GRIA1: variants seen among roughly 807,000 people sequenced by gnomAD.
The protein encoded by GRIA1 is glutamate receptor 1.
Under a neutral mutation model 99.2 loss-of-function variants are expected in GRIA1, and 31 were observed. The observed-to-expected ratio is 0.31, with a 90% confidence interval of 0.23 to 0.42. The LOEUF is 0.42. Ranked by LOEUF, GRIA1 falls within the 10% of genes least tolerant of loss-of-function variation. GRIA1 has a pLI of 1.00. For synonymous variants in GRIA1, 438 were observed against 432.4 expected, an observed-to-expected ratio of 1.01 and a Z score of -0.16; for missense variants, 782 against 1,157.5, an observed-to-expected ratio of 0.68 and a Z score of 4.71.
intron 6 of GRIA1, among the ~76,000 whole-genome samples, chr5:153,675,741 G>T (rs142202064): frequency 6.6e-6 from 1 of 152,094 alleles, no homozygotes; most frequent in African/African-American, 2.4e-5. Context: ...AAACAAAATC[G>T]CAAATATGCT....
intron 15 of GRIA1, among the ~76,000 whole-genome samples, chr5:153,807,951 T>C (rs537569118): frequency 5.1e-4 from 77 of 152,318 alleles, no homozygotes; most frequent in Admixed American, 8.5e-4. Context: ...CTACAGCAAT[T>C]GAGGGCTTGC....
intron 2 of GRIA1, among the ~76,000 whole-genome samples, chr5:153,630,527 AC>A (rs1156350754): frequency 1.3e-5 from 2 of 152,088 alleles, no homozygotes; most frequent in African/African-American, 4.8e-5. Flanking sequence ...AGAAGAGGCC[AC>A]CCCAAAACAA....
chr5:153,786,672 G>A (rs368699354), intron 13 of GRIA1, among the ~76,000 whole-genome samples: 63 of 152,194 alleles, frequency 4.1e-4, no homozygotes, highest in Non-Finnish European at 7.9e-4. Context: ...TCAAATAGTA[G>A]TAGACAATGC....
intron 5 of GRIA1, among the ~76,000 whole-genome samples, chr5:153,667,437 C>T (rs754575088): frequency 1.3e-5 from 2 of 152,214 alleles, no homozygotes; most frequent in Non-Finnish European, 2.9e-5. Context: ...GCTTCATGTT[C>T]TCTCAGGCTT....
chr5:153,681,717 A>G (rs1464527412), intron 7 of GRIA1, among the ~76,000 whole-genome samples: 1 of 152,140 alleles, frequency 6.6e-6, no homozygotes, highest in African/African-American at 2.4e-5. Context: ...CTGGCTTGTC[A>G]CAGGGCTCAG....
intron 2 of GRIA1, among the ~76,000 whole-genome samples, chr5:153,504,174 T>C (rs952445924): frequency 6.6e-6 from 1 of 151,960 alleles, no homozygotes; most frequent in Non-Finnish European, 1.5e-5. Context: ...TTTTAGAGCT[T>C]GGGGTAGTGA....
At chr5:153,605,934 A>G (rs1372432339) in intron 2 of GRIA1, among the ~76,000 whole-genome samples, 1 of 152,152 alleles carries the variant, frequency 6.6e-6, no homozygotes, top group Admixed American at 6.5e-5. Context: ...GCTGTGCAGG[A>G]CAGAAACTGT....
At chr5:153,758,508 G>T (rs1252347030) in intron 11 of GRIA1, among the ~76,000 whole-genome samples, 2 of 151,848 alleles carry the variant, frequency 1.3e-5, no homozygotes, top group Non-Finnish European at 2.9e-5. Flanking sequence ...TACAGCAAGA[G>T]AATATAATAA....
intron 2 of GRIA1, among the ~76,000 whole-genome samples, chr5:153,593,076 G>A (rs988911144): frequency 1.3e-5 from 2 of 152,086 alleles, no homozygotes; most frequent in African/African-American, 4.8e-5. Flanking sequence ...GACCAACCTG[G>A]CCAAGATGGC....
At chr5:153,704,829 A>G (rs943615614) in intron 10 of GRIA1, among the ~76,000 whole-genome samples, 5 of 152,160 alleles carry the variant, frequency 3.3e-5, no homozygotes, top group Non-Finnish European at 7.3e-5. Context: ...TATCTTGGAT[A>G]ACACATACCC....
At chr5:153,515,200 A>C (rs368963624) in intron 2 of GRIA1, among the ~76,000 whole-genome samples, 2 of 152,226 alleles carry the variant, frequency 1.3e-5, no homozygotes, top group South Asian at 2.1e-4. Context: ...CATTATTTAC[A>C]ATAGTTAAGA....
At chr5:153,800,086 G>C (rs1046154801) in intron 14 of GRIA1, among the ~76,000 whole-genome samples, 1 of 152,138 alleles carries the variant, frequency 6.6e-6, no homozygotes, top group Non-Finnish European at 1.5e-5. Context: ...GTGACCAAAG[G>C]GGCAAGGTGT....
chr5:153,556,333 G>A (rs1289705654), intron 2 of GRIA1, among the ~76,000 whole-genome samples: 1 of 152,108 alleles, frequency 6.6e-6, no homozygotes, highest in African/African-American at 2.4e-5. Context: ...GCCTCAAAAG[G>A]TCGCTCTTCC....
In GRIA1 at chr5:153,615,778, G is replaced by A. The variant is rs535711232; in HGVS notation, c.221-31150G>A. On this transcript the variant is annotated intron_variant, in intron 2 of 15. Coordinates refer to ENST00000285900, the MANE Select transcript of GRIA1 (RefSeq NM_000827.4). Reference sequence around the variant, plus strand: ...TACTCGTAACAACTTTAAGATGATGGTACCCTTCCTCATCCCCATCTCTAG... The same window carrying A: ...TACTCGTAACAACTTTAAGATGATGATACCCTTCCTCATCCCCATCTCTAG... 2.0e-5 allele frequency among the ~76,000 whole-genome samples: 3 copies of A among 152,230 alleles called. No individual in the cohort carries two copies. In the South Asian group the frequency reaches 6.2e-4, roughly 32 times the overall value.
chr5:153,755,054 G>A lies in GRIA1; in HGVS notation c.1824-9380G>A, dbSNP rs112635142. Among the ~76,000 whole-genome samples, 911 of 152,234 alleles carry A rather than the reference G, an allele frequency of 6.0e-3. 10 individuals are homozygous for A. Among genetic ancestry groups the A allele is most frequent in the African/African-American group, 0.021 (870 of 41,506 alleles). ...GAAAGAGAAGCATGTGATAAGGATG[G>A]GAGTCTTTTGAATATGAGGGGCCAA... On this transcript the variant is annotated intron_variant, in intron 11 of 15. Coordinates refer to ENST00000285900, the MANE Select transcript of GRIA1 (RefSeq NM_000827.4).
intron 2 of GRIA1, among the ~76,000 whole-genome samples, chr5:153,507,030 C>T (rs138907489): frequency 0.011 from 1,618 of 151,992 alleles, 29 homozygotes; most frequent in African/African-American, 0.037. Context: ...GGCTGAGGCA[C>T]GAGAATTACT....
intron 11 of GRIA1, among the ~76,000 whole-genome samples, chr5:153,733,699 G>A (rs149673320): frequency 1.8e-3 from 270 of 152,144 alleles, no homozygotes; most frequent in Middle Eastern, 0.014. Flanking sequence ...CCAAAAGAGA[G>A]CAGAGGTCAC....
intron 2 of GRIA1, among the ~76,000 whole-genome samples, chr5:153,518,167 T>C (rs1352863345): frequency 2.0e-5 from 3 of 152,224 alleles, no homozygotes; most frequent in Admixed American, 2.0e-4. Flanking sequence ...AATTTCTAAT[T>C]GCCCTCTCTT....
At position 153,726,547 on chromosome 5, in the gene GRIA1, A is replaced by G. The variant is rs376200649; in HGVS notation, c.1823+20480A>G. ...GAATCAAATAGATGCAATAAAAAAT[A>G]ATAAAGGGGATATCACCACCAATCC... On this transcript the variant is annotated intron_variant, in intron 11 of 15. Coordinates refer to ENST00000285900, the MANE Select transcript of GRIA1 (RefSeq NM_000827.4). Among the ~76,000 whole-genome samples the G allele has an allele frequency of 7.9e-5, 12 of 152,144 alleles. No homozygotes were observed. The East Asian group carries it at 9.6e-4, about 12-fold the overall frequency.
Sources: gnomAD v4.1 joint callset for allele counts (sites outside exome capture counted in the v4.1 genomes callset) on GRCh38, gnomAD v4.1.1 for gene constraint, MANE v1.5 for transcripts, NCBI Gene and HGNC (gene_info 2026-07-23, HGNC 2026-07-21) for gene names.